Variants in KALRN observed in about 807,000 individuals in gnomAD.
KALRN encodes the protein kalirin.
In KALRN, 70 loss-of-function variants were observed where a neutral mutation model predicts 353.7. The observed-to-expected ratio is 0.20, with a 90% CI of 0.16 to 0.24. KALRN has a LOEUF of 0.24. KALRN is among the 10% of genes least tolerant of loss of function. The pLI, the probability that KALRN is intolerant of heterozygous loss-of-function variation, is 1.00. For missense variants in KALRN, 2,791 were observed against 3,756.7 expected, an observed-to-expected ratio of 0.74 and a Z score of 6.72; for synonymous variants, 1,391 against 1,434.8, an observed-to-expected ratio of 0.97 and a Z score of 0.69.
intron 4 of KALRN, among the ~76,000 whole-genome samples, chr3:124,267,829 A>G (rs1580274691): frequency 6.6e-6 from 1 of 152,212 alleles, no homozygotes; most frequent in South Asian, 2.1e-4. Flanking sequence ...ACTCCATGCT[A>G]TGCACCCTAT....
chr3:124,636,006 G>T (rs890436570), intron 36 of KALRN, among the ~76,000 whole-genome samples: 1 of 152,030 alleles, frequency 6.6e-6, no homozygotes. Flanking sequence ...CCAGGAGTAG[G>T]ATTACTAGAT....
At chr3:124,138,183 C>T (rs1560051829) in intron 1 of KALRN, among the ~76,000 whole-genome samples, 1 of 152,208 alleles carries the variant, frequency 6.6e-6, no homozygotes, top group Non-Finnish European at 1.5e-5. Flanking sequence ...CTCACTGCCA[C>T]CTCTGGGCTC....
intron 34 of KALRN, among the ~76,000 whole-genome samples, chr3:124,612,798 C>A (rs1161082962): frequency 6.6e-6 from 1 of 152,208 alleles, no homozygotes; most frequent in Admixed American, 6.5e-5. Context: ...GCATCAGGAA[C>A]AGCTCCTGGC....
intron 12 of KALRN, among the ~76,000 whole-genome samples, chr3:124,397,247 A>T (rs534296521): frequency 6.6e-6 from 1 of 152,328 alleles, no homozygotes; most frequent in South Asian, 2.1e-4. Flanking sequence ...TGTTATTTTC[A>T]TGCCTGGGGA....
rs55855993 is a variant in KALRN, at chr3:124,278,458, G to GGTGTGTGTGTGT, written c.969+9223_969+9234dup. On this transcript the variant is annotated intron_variant, in intron 5 of 59. Transcript: ENST00000682506. ...TGTTTGAAGAATGAAGGACACTTCAGGTGTGTGTGTGTGTGTGTGTGTGTG... is the reference window on the plus strand; with the variant it reads ...TGTTTGAAGAATGAAGGACACTTCAGGTGTGTGTGTGTGTGTGTGTGTGTGTGTGTGTGTGTG... Among the ~76,000 whole-genome samples the GGTGTGTGTGTGT allele has an allele frequency of 5.9e-3, 853 of 145,484 alleles. 8 individuals are homozygous for GGTGTGTGTGTGT. The highest frequency in any genetic ancestry group is 0.033 in the South Asian group (147 of 4,412).
intron 10 of KALRN, among the ~76,000 whole-genome samples, chr3:124,356,851 ACT>A (rs1323327185): frequency 6.6e-6 from 1 of 151,060 alleles, no homozygotes; most frequent in Non-Finnish European, 1.5e-5. Context: ...AACAATTTAG[ACT>A]CTCTCTCAGT....
At chr3:124,539,366 C>T (rs1011943424) in intron 33 of KALRN, among the ~76,000 whole-genome samples, 3 of 152,204 alleles carry the variant, frequency 2.0e-5, no homozygotes. Flanking sequence ...GTTCCAAATC[C>T]TCTCCCATCT....
chr3:124,293,769 CT>C (rs751188376), intron 5 of KALRN, among the ~76,000 whole-genome samples: 1 of 152,126 alleles, frequency 6.6e-6, no homozygotes, highest in Non-Finnish European at 1.5e-5. Flanking sequence ...TTATATTACA[CT>C]TTGCTGAACT....
At chr3:124,683,525 A>G (rs2061431123) in intron 51 of KALRN, among the ~76,000 whole-genome samples, 3 of 152,222 alleles carry the variant, frequency 2.0e-5, no homozygotes, top group African/African-American at 4.8e-5. Context: ...CTTCAAGGAT[A>G]AGGATTCTCA....
intron 1 of KALRN, among the ~76,000 whole-genome samples, chr3:124,184,471 A>G (rs1479784008): frequency 6.6e-6 from 1 of 152,156 alleles, no homozygotes; most frequent in African/African-American, 2.4e-5. Context: ...GCCTAGCTCT[A>G]CCTTGATCCC....
At chr3:124,281,058 T>G (rs2075294066) in intron 5 of KALRN, among the ~76,000 whole-genome samples, 1 of 151,338 alleles carries the variant, frequency 6.6e-6, no homozygotes, top group African/African-American at 2.4e-5. Context: ...TAAAGTATAA[T>G]AAAAAAAAGA....
chr3:124,570,170 T>G (rs923525732), intron 34 of KALRN, among the ~76,000 whole-genome samples: 3 of 152,242 alleles, frequency 2.0e-5, no homozygotes, highest in Non-Finnish European at 2.9e-5. Flanking sequence ...CTCAGGTTTT[T>G]CATTTATGCC....
intron 4 of KALRN, among the ~76,000 whole-genome samples, chr3:124,265,934 G>A (rs1280921814): frequency 2.6e-5 from 4 of 152,008 alleles, no homozygotes; most frequent in African/African-American, 4.8e-5. Context: ...TGGCCAACAT[G>A]GTGAAACCCT....
At chr3:124,376,286 A>G (rs543506863) in intron 10 of KALRN, among the ~76,000 whole-genome samples, 1 of 152,230 alleles carries the variant, frequency 6.6e-6, no homozygotes, top group East Asian at 1.9e-4. Flanking sequence ...TCTTTAGGGT[A>G]CTCCTTAGAC....
At chr3:124,511,588 C>A (rs561764366) in intron 33 of KALRN, among the ~76,000 whole-genome samples, 11 of 152,302 alleles carry the variant, frequency 7.2e-5, no homozygotes, top group African/African-American at 2.4e-4. Context: ...AACCACATAG[C>A]ACTTTCTAGG....
intron 1 of KALRN, among the ~76,000 whole-genome samples, chr3:124,034,076 G>T (rs904287044): frequency 2.6e-5 from 4 of 151,950 alleles, no homozygotes; most frequent in African/African-American, 9.6e-5. Flanking sequence ...GGTGGGAGGC[G>T]GTCCCCTCGG....
intron 10 of KALRN, among the ~76,000 whole-genome samples, chr3:124,382,720 C>T (rs1254808272): frequency 6.6e-6 from 1 of 152,120 alleles, no homozygotes; most frequent in Admixed American, 6.5e-5. Context: ...CGGGGGGAAT[C>T]CTGAGACTCT....
chr3:124,652,793 G>A (rs1435496437), intron 38 of KALRN, among the ~76,000 whole-genome samples: 1 of 152,106 alleles, frequency 6.6e-6, no homozygotes, highest in Non-Finnish European at 1.5e-5. Flanking sequence ...TAGCCAGGAT[G>A]GTCTCGATCT....
At chr3:124,476,180 A>G (rs2061412428) in intron 26 of KALRN, among the ~76,000 whole-genome samples, 1 of 151,958 alleles carries the variant, frequency 6.6e-6, no homozygotes, top group East Asian at 1.9e-4. Flanking sequence ...ATATGAGTGT[A>G]ATGCAGAAAT....
Sources: gnomAD v4.1 joint callset for allele counts (sites outside exome capture counted in the v4.1 genomes callset) on GRCh38, gnomAD v4.1.1 for gene constraint, MANE v1.5 for transcripts, NCBI Gene and HGNC (gene_info 2026-07-23, HGNC 2026-07-21) for gene names.